MMP16: variants seen among roughly 807,000 people sequenced by gnomAD.
The protein encoded by MMP16 is matrix metalloproteinase-16.
In MMP16, 12 loss-of-function variants were observed where a neutral mutation model predicts 67.8. The ratio of observed to expected loss-of-function variants is 0.18; its 90% CI spans 0.11 to 0.29. The LOEUF (loss-of-function observed/expected upper bound fraction) is 0.29, where lower values mean the gene tolerates loss of function less well. MMP16 is among the 10% of genes least tolerant of loss of function. The pLI is 1.00. For missense variants in MMP16, 475 were observed against 765.7 expected (o/e 0.62, Z 4.48); for synonymous variants, 249 against 255.9 (o/e 0.97, Z 0.26).
intron 3 of MMP16, among the ~76,000 whole-genome samples, chr8:88,181,436 A>C (rs1032959272): frequency 6.6e-6 from 1 of 152,006 alleles, no homozygotes; most frequent in African/African-American, 2.4e-5. Flanking sequence ...CATTTAAATT[A>C]GCACCAGAAA....
chr8:88,186,416 G>A, intron 3 of MMP16, 60 bp downstream of exon 3: 1 of 1,600,566 alleles, frequency 6.2e-7, no homozygotes, highest in Admixed American at 1.7e-5. Flanking sequence ...TAAACTATGT[G>A]TCAAAACAAA....
intron 7 of MMP16, among the ~76,000 whole-genome samples, chr8:88,063,482 C>CTTT (rs147148394): frequency 1.5e-5 from 2 of 136,786 alleles, no homozygotes; most frequent in Non-Finnish European, 3.1e-5. Context: ...ACCTAATAAC[C>CTTT]TTTTTTTTTT....
chr8:88,279,220 C>CAAAAAAAAA (rs767410219), intron 1 of MMP16, among the ~76,000 whole-genome samples: 1 of 94,454 alleles, frequency 1.1e-5, no homozygotes, highest in African/African-American at 4.0e-5. Context: ...GACTCTGTCT[C>CAAAAAAAAA]AAAAAAAAAA....
rs1808137937 is a variant in MMP16, at chr8:88,041,916, T to C, written c.1490-121A>G. On this transcript the variant is annotated intron_variant, in intron 9 of 9. Transcript: ENST00000286614. This position sits in a 1 kb window ranked among gnomAD's most constrained non-coding sequence, Gnocchi z 6.0. ...GTATTTTAAGGCCCTTTAATTTTCA[T>C]AGGAAGAAAACACTATTTTCAGCTC... The C allele has an allele frequency of 2.6e-6, 2 of 757,510 alleles. No individual in the cohort carries two copies. Among genetic ancestry groups the C allele is most frequent in the Non-Finnish European group, 2.1e-6 (1 of 478,390 alleles). 46.9% of individuals were successfully genotyped at this position (757,510 alleles called of 1,614,324 possible).
intron 1 of MMP16, among the ~76,000 whole-genome samples, chr8:88,199,632 C>A (rs2129787438): frequency 6.6e-6 from 1 of 151,940 alleles, no homozygotes; most frequent in African/African-American, 2.4e-5. Context: ...TTCTGCTATC[C>A]AAGGTTAATG....
At chr8:88,158,110 T>G (rs1437537965) in intron 4 of MMP16, among the ~76,000 whole-genome samples, 1 of 152,124 alleles carries the variant, frequency 6.6e-6, no homozygotes, top group Admixed American at 6.6e-5. Context: ...TTTGCTATTG[T>G]GAATAGTGCC....
intron 6 of MMP16, among the ~76,000 whole-genome samples, chr8:88,091,663 T>C (rs1037069626): frequency 1.3e-5 from 2 of 151,846 alleles, no homozygotes; most frequent in African/African-American, 4.8e-5. Context: ...AGTCCAAAGG[T>C]ATAACTTAAA....
At position 88,121,160 on chromosome 8, in the gene MMP16, G is replaced by A. The variant is rs1807823625; in HGVS notation, c.710-2299C>T. On this transcript the variant is annotated intron_variant, in intron 4 of 9. Coordinates refer to ENST00000286614, the MANE Select transcript of MMP16 (RefSeq NM_005941.5). ...ACATAATAGCAAACAGGTCATAACAGCCAAAGCCATTCTGTTTCATGTATC... is the reference window on the plus strand; with the variant it reads ...ACATAATAGCAAACAGGTCATAACAACCAAAGCCATTCTGTTTCATGTATC... 2.7e-5 allele frequency among the ~76,000 whole-genome samples: 4 copies of A among 149,948 alleles called. No individual in the cohort carries two copies. In the Admixed American group the frequency reaches 2.7e-4, roughly 10 times the overall value.
chr8:88,320,973 T>C (rs749784940), intron 1 of MMP16, among the ~76,000 whole-genome samples: 3 of 152,048 alleles, frequency 2.0e-5, no homozygotes, highest in Non-Finnish European at 4.4e-5. Context: ...CAATCAAATA[T>C]GGTTTCATGA....
intron 4 of MMP16, among the ~76,000 whole-genome samples, chr8:88,122,928 C>G (rs1162297478): frequency 1.3e-5 from 2 of 151,260 alleles, no homozygotes; most frequent in African/African-American, 4.9e-5. Flanking sequence ...CCTGCCTCCT[C>G]TACAGCCATA....
chr8:88,233,486 GCTCTT>G (rs1166936210), intron 1 of MMP16, among the ~76,000 whole-genome samples: 4 of 152,154 alleles, frequency 2.6e-5, no homozygotes, highest in Non-Finnish European at 4.4e-5. Flanking sequence ...AATCCCAAAT[GCTCTT>G]CTCATCAGTT....
In MMP16 at chr8:88,062,384, A is replaced by C. The variant is rs372030561; in HGVS notation, c.1223-6106T>G. Among the ~76,000 whole-genome samples the C allele has an allele frequency of 6.6e-5, 10 of 152,284 alleles. No homozygotes were observed. The East Asian group carries it at 1.9e-3, about 29-fold the overall frequency. On this transcript the variant is annotated intron_variant, in intron 7 of 9. Coordinates refer to ENST00000286614, the MANE Select transcript of MMP16 (RefSeq NM_005941.5). ...TATGTTTATTGTGGCACTATTCACA[A>C]TAGCAAAGACTTGGAACCAACCCAA...
chr8:88,228,541 A>T (rs1809807140), intron 1 of MMP16, among the ~76,000 whole-genome samples: 2 of 152,112 alleles, frequency 1.3e-5, no homozygotes, highest in South Asian at 4.1e-4. Flanking sequence ...CTTGAAGTAC[A>T]TTTATTATAA....
intron 1 of MMP16, among the ~76,000 whole-genome samples, chr8:88,293,389 T>A (rs538050026): frequency 5.7e-4 from 87 of 152,146 alleles, no homozygotes; most frequent in Non-Finnish European, 9.6e-4. Context: ...AGCTTTGAAC[T>A]GGTAAGTGGG....
rs867991349 is a variant in MMP16 at position 88,326,923 on chromosome 8, C to T, written c.132+152G>A. ...TCACACGCATCCGTCACCTAAAACA[C>T]CCTTAAACTGAACCAGGGTCTCCAC... is the stretch of plus-strand genomic sequence containing the variant. On this transcript the variant is annotated intron_variant, in intron 1 of 9. Coordinates refer to ENST00000286614, the MANE Select transcript of MMP16 (RefSeq NM_005941.5). The T allele has an allele frequency of 2.6e-5, 24 of 933,814 alleles. No homozygotes were observed. The Middle Eastern group carries it at 1.5e-3, about 58-fold the overall frequency. 57.8% of individuals were successfully genotyped at this position (933,814 alleles called of 1,614,324 possible). A position where few individuals can be genotyped will look rare whatever the true frequency, so the allele number is the denominator to read the frequency against.
chr8:88,089,949 T>C (rs1274124782), intron 6 of MMP16, among the ~76,000 whole-genome samples: 1 of 151,994 alleles, frequency 6.6e-6, no homozygotes, highest in African/African-American at 2.4e-5. Flanking sequence ...TTTTGCTCAA[T>C]CACATGTATA....
intron 4 of MMP16, among the ~76,000 whole-genome samples, chr8:88,121,008 G>A (rs1218233111): frequency 6.6e-6 from 1 of 151,394 alleles, no homozygotes; most frequent in Non-Finnish European, 1.5e-5. Flanking sequence ...TTTTGGCTAG[G>A]AGCCTAGCTG....
chr8:88,096,126 G>A (rs1660072133), intron 6 of MMP16, among the ~76,000 whole-genome samples: 1 of 151,786 alleles, frequency 6.6e-6, no homozygotes, highest in African/African-American at 2.4e-5. Flanking sequence ...TATTGATTTT[G>A]GTACAAACTT....
intron 1 of MMP16, among the ~76,000 whole-genome samples, chr8:88,291,484 C>A (rs17667749): frequency 0.1 from 15,434 of 152,088 alleles, 941 homozygotes; most frequent in South Asian, 0.17. Flanking sequence ...CCTTCCTATT[C>A]CTTGGACAGA....
Sources: allele counts gnomAD v4.1 joint callset (sites outside exome capture counted in the v4.1 genomes callset), GRCh38; gene constraint gnomAD v4.1.1; non-coding constraint Gnocchi (gnomAD v3.1); transcripts MANE v1.5; gene names NCBI Gene and HGNC (gene_info 2026-07-23, HGNC 2026-07-21).